The following KIAA0753 variants were observed in gnomAD, a reference collection of about 807,000 sequenced individuals.
KIAA0753 encodes protein moonraker.
Under a neutral mutation model 116.9 loss-of-function variants are expected in KIAA0753, and 114 were observed. The ratio of observed to expected loss-of-function variants is 0.98; its 90% CI spans 0.84 to 1.14. The LOEUF is 1.14. Among genes scored for constraint, KIAA0753 ranks in the 50% most tolerant of loss-of-function variants. The pLI is 0.00. For missense variants in KIAA0753, 1,156 were observed against 1,172.4 expected, an observed-to-expected ratio of 0.99 and a Z score of 0.20; for synonymous variants, 405 against 413.1, an observed-to-expected ratio of 0.98 and a Z score of 0.24.
Position 6,579,514 on chromosome 17 carries a change from T to C in KIAA0753, c.*233A>G. Reference sequence around the variant, plus strand: ...AAAATATTGCCATAATCAAGTTGTGTTGCCTGGGCACTGATAAGTGTGATA... The same window carrying C: ...AAAATATTGCCATAATCAAGTTGTGCTGCCTGGGCACTGATAAGTGTGATA... On this transcript the variant is annotated 3_prime_UTR_variant, in exon 19 of 19. Transcript: ENST00000361413. 1 of 444,254 alleles carries C rather than the reference T, an allele frequency of 2.3e-6. No individual in the cohort carries two copies. 27.5% of individuals were successfully genotyped at this position (444,254 alleles called of 1,614,324 possible). A position where few individuals can be genotyped will look rare whatever the true frequency, so the allele number is the denominator to read the frequency against.
chr17:6,600,498 T>A (rs760501256), intron 12 of KIAA0753, 40 bp from the exon 13 acceptor site: 4 of 1,472,962 alleles, frequency 2.7e-6, no homozygotes, highest in Non-Finnish European at 3.8e-6. Context: ...TCAAAGGCAA[T>A]AAAATATCCT....
intron 6 of KIAA0753, among the ~76,000 whole-genome samples, chr17:6,621,656 T>C (rs1236506534): frequency 4.6e-5 from 7 of 152,302 alleles, no homozygotes; most frequent in South Asian, 2.1e-4. Context: ...AACACATTTC[T>C]TGCATTTTGA....
intron 2 of KIAA0753, among the ~76,000 whole-genome samples, chr17:6,630,633 T>C (rs1971967956): frequency 6.6e-6 from 1 of 152,186 alleles, no homozygotes; most frequent in African/African-American, 2.4e-5. Context: ...GGTTACTCAC[T>C]GCTATATTGT....
rs544253132 is a variant in KIAA0753, at chr17:6,624,568, A to G, written c.825+187T>C. The stretch of plus-strand genomic sequence containing the variant: ...CACACACACACACACACACACACAC[A>G]CACGCAGATTACAAAAAGAAAGAGA... On this transcript the variant is annotated intron_variant, in intron 4 of 18. Transcript: ENST00000361413. 6.6e-5 allele frequency among the ~76,000 whole-genome samples: 10 copies of G among 151,992 alleles called. No individual in the cohort carries two copies. In the East Asian group the frequency reaches 7.7e-4, roughly 12 times the overall value.
intron 15 of KIAA0753, 71 bp downstream of exon 15, chr17:6,596,087 C>A: frequency 7.0e-7 from 1 of 1,429,812 alleles, no homozygotes; most frequent in Non-Finnish European, 9.7e-7. Flanking sequence ...GCTGCAGAGG[C>A]ATGAGGAGAA....
chr17:6,591,675 A>G (rs1486450402), intron 16 of KIAA0753, among the ~76,000 whole-genome samples: 1 of 152,266 alleles, frequency 6.6e-6, no homozygotes, highest in Non-Finnish European at 1.5e-5. Context: ...CATCCTTGAA[A>G]AAAGAGAACA....
At position 6,596,310 on chromosome 17, in the gene KIAA0753, G is replaced by A. The variant is rs752702161; in HGVS notation, c.2206C>T (p.Arg736Cys). 1.5e-5 allele frequency: 21 copies of A among 1,411,432 alleles called. No individual in the cohort carries two copies. The highest frequency in any genetic ancestry group is 2.0e-4 in the Middle Eastern group (1 of 5,074). 87.4% of individuals were successfully genotyped at this position (1,411,432 alleles called of 1,614,324 possible). A position where few individuals can be genotyped will look rare whatever the true frequency, so the allele number is the denominator to read the frequency against. Residue 736 changes from arginine to cysteine, a missense_variant, in exon 15 of 19, where the codon CGT (arginine) becomes TGT (cysteine). Coordinates refer to ENST00000361413, the MANE Select transcript of KIAA0753 (RefSeq NM_014804.3). ...TCTTCCAAAAAATCATCAAGCTGAC[G>A]AATGTTGTTGGATTCAAAATCAACA... ...AAVDFESNNI[R>C]QLDDFLEDCA...
At chr17:6,584,837 T>C (rs1968449072) in intron 18 of KIAA0753, among the ~76,000 whole-genome samples, 1 of 152,158 alleles carries the variant, frequency 6.6e-6, no homozygotes, top group Non-Finnish European at 1.5e-5. Flanking sequence ...CACCTGAAAA[T>C]GTGTTTTTGT....
At chr17:6,606,595 T>C (rs996833625) in intron 12 of KIAA0753, among the ~76,000 whole-genome samples, 2 of 152,228 alleles carry the variant, frequency 1.3e-5, no homozygotes, top group African/African-American at 4.8e-5. Flanking sequence ...TAGAGAAAAG[T>C]ACCTTTGAGG....
At chr17:6,587,969 G>A (rs982630406) in intron 18 of KIAA0753, among the ~76,000 whole-genome samples, 9 of 152,256 alleles carry the variant, frequency 5.9e-5, no homozygotes, top group Middle Eastern at 3.4e-3. Context: ...GGGTGGGAGG[G>A]ATGCCAGGCA....
chr17:6,587,163 C>T (rs1192211454), intron 18 of KIAA0753, among the ~76,000 whole-genome samples: 4 of 151,918 alleles, frequency 2.6e-5, no homozygotes, highest in African/African-American at 7.3e-5. Flanking sequence ...ACCCAGGAGG[C>T]GGAGGTTGCA....
At chr17:6,609,849 A>G (rs1970417085) in intron 9 of KIAA0753, 145 bp downstream of exon 9, 3 of 876,050 alleles carry the variant, frequency 3.4e-6, no homozygotes, top group South Asian at 3.6e-5. Flanking sequence ...CTTCTCATGT[A>G]TGACTCACCC....
At chr17:6,600,895 A>C (rs571007181) in intron 12 of KIAA0753, 1 of 160,630 alleles carries the variant, frequency 6.2e-6, no homozygotes, top group East Asian at 1.8e-4. Context: ...ATAAGGAAGA[A>C]AAAAATGGTG....
At chr17:6,622,403 CCTGT>C (rs1971387652) in intron 6 of KIAA0753, among the ~76,000 whole-genome samples, 1 of 152,342 alleles carries the variant, frequency 6.6e-6, no homozygotes. Context: ...ACTATCAATT[CCTGT>C]CTAATACATG....
In KIAA0753 at chr17:6,628,757, A is replaced by G. The variant is rs1227880546; in HGVS notation, c.94-16T>C. ...GCAGCTGGTTCTTTAAAAAGCAAAT[A>G]AAAGTAAGCAGACATCAGAAAAATT... On this transcript the variant is annotated splice_polypyrimidine_tract_variant and intron_variant, in intron 2 of 18. Coordinates refer to ENST00000361413, the MANE Select transcript of KIAA0753 (RefSeq NM_014804.3). The G allele has an allele frequency of 6.4e-7, 1 of 1,567,342 alleles. No individual in the cohort carries two copies. Among genetic ancestry groups the G allele is most frequent in the Non-Finnish European group, 8.6e-7 (1 of 1,160,100 alleles).
Position 6,639,391 on chromosome 17 carries a change from G to A in KIAA0753, c.-69+1246C>T, listed in dbSNP as rs1972521906. 1 of 152,350 alleles carries A rather than the reference G, an allele frequency of 6.6e-6. No individual in the cohort carries two copies. The highest frequency in any genetic ancestry group is 1.5e-5 in the Non-Finnish European group (1 of 68,276). The allele number at this position is 152,350 out of a possible 1,614,324, so 9.4% of individuals were successfully genotyped here. ...CCCCACGGTCCCAGGCTCGCCCATA[G>A]TCTGTTCTTTTTCACAAGGGCCTGA... On this transcript the variant is annotated intron_variant, in intron 1 of 18. Transcript: ENST00000361413. This position sits in a 1 kb window ranked among gnomAD's most constrained non-coding sequence, Gnocchi z 4.3.
chr17:6,628,801 A>AT (rs1971848824), intron 2 of KIAA0753, 60 bp from the exon 3 acceptor site: 3 of 1,488,082 alleles, frequency 2.0e-6, no homozygotes, highest in Non-Finnish European at 1.8e-6. Flanking sequence ...CACAGTTGGT[A>AT]TATGTCTATA....
intron 12 of KIAA0753, among the ~76,000 whole-genome samples, chr17:6,601,208 T>C (rs577789044): frequency 2.3e-4 from 35 of 152,168 alleles, no homozygotes; most frequent in Admixed American, 2.3e-3. Context: ...CCAAATGATG[T>C]TTGAGAAATT....
At chr17:6,601,582 G>A (rs191025648) in intron 12 of KIAA0753, among the ~76,000 whole-genome samples, 59 of 152,298 alleles carry the variant, frequency 3.9e-4, no homozygotes, top group African/African-American at 1.3e-3. Flanking sequence ...TCATCAGATG[G>A]TGTTGGAATA....
Sources: allele counts gnomAD v4.1 joint callset (sites outside exome capture counted in the v4.1 genomes callset), GRCh38; gene constraint gnomAD v4.1.1; non-coding constraint Gnocchi (gnomAD v3.1); transcripts MANE v1.5; gene names NCBI Gene and HGNC (gene_info 2026-07-23, HGNC 2026-07-21).